Variants in ABCE1 observed in about 807,000 individuals in gnomAD.
The protein encoded by ABCE1 is ATP binding cassette subfamily E member 1.
A neutral mutation model predicts 83.4 loss-of-function variants in ABCE1; 22 were observed. The ratio of observed to expected loss-of-function variants is 0.26; its 90% CI spans 0.19 to 0.38. The LOEUF is 0.38. Among genes scored for constraint, ABCE1 ranks in the 10% least tolerant of loss-of-function variants. The probability of loss-of-function intolerance (pLI) is 1.00; values close to 1 mark genes in which losing one functional copy is unlikely to be tolerated. For synonymous variants in ABCE1, 204 were observed against 233.7 expected, an observed-to-expected ratio of 0.87 and a Z score of 1.16; for missense variants, 330 against 721.9, an observed-to-expected ratio of 0.46 and a Z score of 6.22.
chr4:145,105,511 T>C (rs758351345), intron 2 of ABCE1, 94 bp from the exon 3 acceptor site: 60 of 800,980 alleles, frequency 7.5e-5, no homozygotes, highest in Middle Eastern at 2.8e-4. Flanking sequence ...TCTGCTTCTG[T>C]ATGGAAATTT....
In ABCE1 at chr4:145,116,804, A is replaced by G. The variant is rs148453599; in HGVS notation, c.801-489A>G. Among the ~76,000 whole-genome samples, 226 of 151,968 alleles carry G rather than the reference A, an allele frequency of 1.5e-3. 1 individual carries two copies. Among genetic ancestry groups the G allele is most frequent in the African/African-American group, 5.1e-3 (212 of 41,516 alleles). ...TATTATCTGTGGAGCATATTTTGCC[A>G]TGTAATCTTTTTTTGTTACCATTTC... On this transcript the variant is annotated intron_variant, in intron 9 of 17. Transcript: ENST00000296577.
chr4:145,102,464 T>C (rs1324598584), intron 1 of ABCE1, among the ~76,000 whole-genome samples: 2 of 152,152 alleles, frequency 1.3e-5, no homozygotes, highest in Non-Finnish European at 2.9e-5. Flanking sequence ...TGGAATGTCT[T>C]CTAGTGTACA....
At chr4:145,112,047 T>G (rs1749491341) in intron 8 of ABCE1, among the ~76,000 whole-genome samples, 192 bp from the exon 9 acceptor site, 1 of 152,192 alleles carries the variant, frequency 6.6e-6, no homozygotes, top group African/African-American at 2.4e-5. Flanking sequence ...TTGCTTTCTG[T>G]AATTTTTTCC....
intron 9 of ABCE1, among the ~76,000 whole-genome samples, chr4:145,117,063 T>C (rs1749626681): frequency 6.6e-6 from 1 of 151,982 alleles, no homozygotes; most frequent in South Asian, 2.1e-4. Context: ...GCAGAATGCA[T>C]TTAATTCATA....
chr4:145,101,121 AAAAT>A (rs975268899), intron 1 of ABCE1, among the ~76,000 whole-genome samples: 24 of 152,338 alleles, frequency 1.6e-4, no homozygotes, highest in African/African-American at 5.5e-4. Flanking sequence ...GCTAGGGAGA[AAAAT>A]AAAGCAAGAA....
rs912380231 is a variant in ABCE1 at position 145,124,863 on chromosome 4, C to T, written c.1641-127C>T. 13 of 636,708 alleles carry T rather than the reference C, an allele frequency of 2.0e-5. No homozygotes were observed. In the African/African-American group the frequency reaches 2.4e-4, roughly 12 times the overall value. The allele number at this position is 636,708 out of a possible 1,614,324, so 39.4% of individuals were successfully genotyped here. On this transcript the variant is annotated intron_variant, in intron 16 of 17. Transcript: ENST00000296577. ...GGATTTGTAATATGCTGTTATTATA[C>T]TGTTATCCAGATGATTTATGATTGG...
At chr4:145,108,160 T>C (rs763141976) in intron 4 of ABCE1, 48 bp downstream of exon 4, 8 of 1,541,872 alleles carry the variant, frequency 5.2e-6, no homozygotes, top group Non-Finnish European at 7.1e-6. Context: ...AAGAGTAAAA[T>C]ACATTTGGGA....
At chr4:145,098,824 A>T (rs1748986381) in intron 1 of ABCE1, among the ~76,000 whole-genome samples, 1 of 152,222 alleles carries the variant, frequency 6.6e-6, no homozygotes, top group Non-Finnish European at 1.5e-5. Context: ...ATATATTGTC[A>T]CATGTGCATA....
intron 1 of ABCE1, 68 bp downstream of exon 1, chr4:145,098,487 C>T (rs1277656482): frequency 6.6e-6 from 1 of 152,412 alleles, no homozygotes; most frequent in Non-Finnish European, 1.5e-5. Context: ...AATGTAGGGA[C>T]GTTCTCCGAG....
chr4:145,124,996 A>G lies in ABCE1; in HGVS notation c.1647A>G (p.Gln549=), dbSNP rs761729172. Residue 549 remains glutamine, a synonymous_variant, in exon 17 of 18, where the codon CAA becomes CAG. Transcript: ENST00000296577. ...ATTTTTTTTTTTCTCTTAGTCCTCA[A>G]ACCCTTTTGGCTGGCATGAATAAAT... is the stretch of plus-strand genomic sequence containing the variant. ...PSKNTVANSP[Q]TLLAGMNKFL... is the part of the protein sequence containing the mutation. 3 of 1,610,856 alleles carry G rather than the reference A, an allele frequency of 1.9e-6. No homozygotes were observed. The South Asian group carries it at 3.3e-5, about 18-fold the overall frequency.
chr4:145,109,974 C>T (rs966926607), intron 5 of ABCE1, 129 bp from the exon 6 acceptor site: 13 of 750,974 alleles, frequency 1.7e-5, no homozygotes, highest in Middle Eastern at 4.1e-4. Flanking sequence ...TAATTATGTT[C>T]GCCTCCAACC....
At chr4:145,101,363 G>A (rs964012375) in intron 1 of ABCE1, among the ~76,000 whole-genome samples, 2 of 152,220 alleles carry the variant, frequency 1.3e-5, no homozygotes, top group Non-Finnish European at 2.9e-5. Flanking sequence ...ACAAGAGCTA[G>A]AGTAGTTGGA....
At chr4:145,124,259 T>A (rs1008154662) in intron 16 of ABCE1, among the ~76,000 whole-genome samples, 5 of 152,200 alleles carry the variant, frequency 3.3e-5, no homozygotes, top group African/African-American at 1.2e-4. Context: ...GGTTTCAGCA[T>A]GTTTTCTGGT....
At position 145,123,515 on chromosome 4, in the gene ABCE1, G is replaced by A; in HGVS notation, c.1555G>A (p.Glu519Lys). Residue 519 changes from glutamate (E) to lysine (K), a missense_variant, in exon 16 of 18, where the codon GAA (glutamate) becomes AAA (lysine). Transcript: ENST00000296577. ...TGCAAAAAAGACAGCCTTTGTTGTG[G>A]AACATGACTTCATCATGGCCACCTA... ...LHAKKTAFVV[E>K]HDFIMATYLA... The A allele has an allele frequency of 6.2e-7, 1 of 1,604,830 alleles. No individual in the cohort carries two copies. The highest frequency in any genetic ancestry group is 8.5e-7 in the Non-Finnish European group (1 of 1,172,172).
At chr4:145,101,446 G>A (rs942623067) in intron 1 of ABCE1, among the ~76,000 whole-genome samples, 2 of 152,302 alleles carry the variant, frequency 1.3e-5, no homozygotes, top group South Asian at 4.1e-4. Flanking sequence ...CATTTACTCA[G>A]ATTGAGAATG....
At chr4:145,125,521 T>A (rs1326650072) in intron 17 of ABCE1, among the ~76,000 whole-genome samples, 2 of 152,132 alleles carry the variant, frequency 1.3e-5, no homozygotes, top group Admixed American at 1.3e-4. Context: ...AATTCCTATG[T>A]TTTTTACATT....
chr4:145,103,067 T>C (rs1749195671), intron 1 of ABCE1, among the ~76,000 whole-genome samples: 1 of 152,158 alleles, frequency 6.6e-6, no homozygotes, highest in Non-Finnish European at 1.5e-5. Flanking sequence ...GGGAGTGATC[T>C]GGTGGTCACT....
rs1749636126 is a variant in ABCE1, at chr4:145,117,469, A to G, written c.922+55A>G. 4 of 1,540,468 alleles carry G rather than the reference A, an allele frequency of 2.6e-6. No homozygotes were observed. The South Asian group carries it at 3.6e-5, about 14-fold the overall frequency. On this transcript the variant is annotated intron_variant, in intron 10 of 17. Transcript: ENST00000296577. The stretch of plus-strand genomic sequence containing the variant: ...TGTATTCTCTTCTACTCTAATGCTT[A>G]TAAACTACATTATTGATATTAAGTA...
intron 11 of ABCE1, among the ~76,000 whole-genome samples, chr4:145,120,694 T>C (rs558651074): frequency 6.6e-6 from 1 of 152,236 alleles, no homozygotes; most frequent in South Asian, 2.1e-4. Context: ...ATTGTAATCT[T>C]ACAGCTTACA....
Sources: gnomAD v4.1 joint callset for allele counts (sites outside exome capture counted in the v4.1 genomes callset) on GRCh38, gnomAD v4.1.1 for gene constraint, MANE v1.5 for transcripts, NCBI Gene and HGNC (gene_info 2026-07-23, HGNC 2026-07-21) for gene names.